Variants in CACNA2D3 observed in about 807,000 individuals in gnomAD.
The protein encoded by CACNA2D3 is calcium voltage-gated channel auxiliary subunit alpha2delta 3, also known as voltage-dependent calcium channel subunit alpha-2/delta-3.
CACNA2D3 carries 60 observed loss-of-function variants against 160.6 expected under a neutral mutation model. The ratio of observed to expected loss-of-function variants is 0.37; its 90% CI spans 0.30 to 0.46. The LOEUF (loss-of-function observed/expected upper bound fraction) is 0.46, where lower values mean the gene tolerates loss of function less well. Ranked by LOEUF, CACNA2D3 falls within the 20% of genes least tolerant of loss-of-function variation. The pLI is 1.00. For missense variants in CACNA2D3, 1,205 were observed against 1,365.0 expected, an observed-to-expected ratio of 0.88 and a Z score of 1.85; for synonymous variants, 558 against 492.9, an observed-to-expected ratio of 1.13 and a Z score of -1.75.
intron 27 of CACNA2D3, among the ~76,000 whole-genome samples, chr3:54,964,818 A>G (rs1247159915): frequency 6.9e-6 from 1 of 144,334 alleles, no homozygotes; most frequent in South Asian, 2.2e-4. Context: ...GGTTATTCTT[A>G]TTTTTTTTTT....
At chr3:54,613,344 C>A (rs532888881) in intron 9 of CACNA2D3, among the ~76,000 whole-genome samples, 1 of 152,286 alleles carries the variant, frequency 6.6e-6, no homozygotes, top group African/African-American at 2.4e-5. Flanking sequence ...TGTTTTGTTT[C>A]CCTTGGTAGT....
chr3:55,021,427 C>G (rs1376300314), intron 35 of CACNA2D3, among the ~76,000 whole-genome samples: 1 of 151,546 alleles, frequency 6.6e-6, no homozygotes, highest in Admixed American at 6.6e-5. Flanking sequence ...TTCCATACTG[C>G]CAGAGATGTG....
In CACNA2D3 at chr3:54,809,568, T is replaced by G. The variant is rs1197716598; in HGVS notation, c.1381-7285T>G. Among the ~76,000 whole-genome samples the G allele has an allele frequency of 2.7e-5, 4 of 146,956 alleles. 1 individual carries two copies. The highest frequency in any genetic ancestry group is 2.0e-4 in the Admixed American group (3 of 14,938). On this transcript the variant is annotated intron_variant, in intron 13 of 37. Transcript: ENST00000474759. Reference sequence around the variant, plus strand: ...CTCCTGACCTCATGATCCACCCGCCTCGGCCTCCCAAAGTGCTGGGATTAC... The same window carrying G: ...CTCCTGACCTCATGATCCACCCGCCGCGGCCTCCCAAAGTGCTGGGATTAC...
chr3:54,988,933 T>G (rs1404524843), intron 31 of CACNA2D3, among the ~76,000 whole-genome samples: 1 of 152,146 alleles, frequency 6.6e-6, no homozygotes, highest in Non-Finnish European at 1.5e-5. Context: ...CCTTCCCTTC[T>G]AAAAAAAATT....
At chr3:54,202,765 G>C (rs1042971396) in intron 2 of CACNA2D3, among the ~76,000 whole-genome samples, 5 of 152,194 alleles carry the variant, frequency 3.3e-5, no homozygotes, top group Admixed American at 1.3e-4. Flanking sequence ...TATGTCCCAG[G>C]AGAGTCCTGG....
At chr3:54,143,750 C>T (rs901510968) in intron 2 of CACNA2D3, among the ~76,000 whole-genome samples, 3 of 152,154 alleles carry the variant, frequency 2.0e-5, no homozygotes, top group Non-Finnish European at 2.9e-5. Context: ...CCACCTGCCT[C>T]GGCCTCCCAA....
chr3:54,435,550 C>G (rs1311521813), intron 4 of CACNA2D3, among the ~76,000 whole-genome samples: 1 of 152,082 alleles, frequency 6.6e-6, no homozygotes, highest in African/African-American at 2.4e-5. Context: ...TTGACAGGGC[C>G]CAGTGGGAAG....
At chr3:54,445,970 G>A (rs889149703) in intron 4 of CACNA2D3, among the ~76,000 whole-genome samples, 1 of 152,202 alleles carries the variant, frequency 6.6e-6, no homozygotes, top group African/African-American at 2.4e-5. Context: ...ATAGGTGACT[G>A]TTGGAGTGTG....
chr3:54,809,888 C>T (rs571776386), intron 13 of CACNA2D3, among the ~76,000 whole-genome samples: 1 of 152,226 alleles, frequency 6.6e-6, no homozygotes, highest in South Asian at 2.1e-4. Flanking sequence ...AAGATAGATA[C>T]AGTCCCTCGG....
intron 4 of CACNA2D3, among the ~76,000 whole-genome samples, chr3:54,423,602 C>G (rs1699869714): frequency 6.6e-6 from 1 of 152,210 alleles, no homozygotes; most frequent in South Asian, 2.1e-4. Context: ...TTATCATCAT[C>G]TGCCTTGTAG....
rs530399430 is a variant in CACNA2D3 at position 54,276,261 on chromosome 3, G to A, written c.205-44181G>A. On this transcript the variant is annotated intron_variant, in intron 2 of 37. Transcript: ENST00000474759. Reference sequence around the variant, plus strand: ...AAGATGGGATGAGAGAGAAGGAAGAGCAGTTTGATAAGAAAACGAAGAAAG... The same window carrying A: ...AAGATGGGATGAGAGAGAAGGAAGAACAGTTTGATAAGAAAACGAAGAAAG... Among the ~76,000 whole-genome samples the A allele has an allele frequency of 9.6e-4, 146 of 152,244 alleles. No individual in the cohort carries two copies. In the Middle Eastern group the frequency reaches 0.017, roughly 18 times the overall value.
intron 3 of CACNA2D3, among the ~76,000 whole-genome samples, chr3:54,326,892 A>G (rs751874700): frequency 7.9e-5 from 12 of 152,284 alleles, no homozygotes; most frequent in Non-Finnish European, 1.3e-4. Context: ...AGTCACAGAT[A>G]GAGGGAGGAG....
intron 4 of CACNA2D3, among the ~76,000 whole-genome samples, chr3:54,501,169 C>T (rs1323210639): frequency 2.0e-5 from 3 of 152,160 alleles, no homozygotes; most frequent in Non-Finnish European, 4.4e-5. Flanking sequence ...TTAATGACCA[C>T]ACCACTTATT....
At chr3:54,805,805 C>G (rs931731293) in intron 13 of CACNA2D3, among the ~76,000 whole-genome samples, 3 of 152,106 alleles carry the variant, frequency 2.0e-5, no homozygotes, top group African/African-American at 7.2e-5. Flanking sequence ...TATCCTCAAT[C>G]AAATACTGGC....
intron 28 of CACNA2D3, 74 bp downstream of exon 28, chr3:54,968,585 G>T: frequency 9.8e-7 from 1 of 1,020,410 alleles, no homozygotes; most frequent in East Asian, 2.6e-5. Flanking sequence ...GGTACCTGGA[G>T]CCTGAAAGTG....
chr3:54,367,133 A>G (rs565156252), intron 3 of CACNA2D3, among the ~76,000 whole-genome samples: 1 of 152,322 alleles, frequency 6.6e-6, no homozygotes, highest in African/African-American at 2.4e-5. Flanking sequence ...TCTTAGTACC[A>G]GCTTACCTTT....
At chr3:54,629,041 C>T (rs905849104) in intron 10 of CACNA2D3, among the ~76,000 whole-genome samples, 16 of 152,050 alleles carry the variant, frequency 1.1e-4, no homozygotes, top group African/African-American at 3.9e-4. Context: ...TTCCTTTCCC[C>T]TTTGTATGAT....
intron 13 of CACNA2D3, among the ~76,000 whole-genome samples, chr3:54,807,160 T>C (rs1302297896): frequency 6.6e-6 from 1 of 152,194 alleles, no homozygotes; most frequent in Non-Finnish European, 1.5e-5. Flanking sequence ...ACTTCATGTC[T>C]AAGACACCAA....
At chr3:54,431,274 T>C (rs117614359) in intron 4 of CACNA2D3, among the ~76,000 whole-genome samples, 3,338 of 151,432 alleles carry the variant, frequency 0.022, 58 homozygotes, top group South Asian at 0.055. Flanking sequence ...GTGGCCGAGG[T>C]TGCAGTGAGC....
Sources: gnomAD v4.1 joint callset for allele counts (sites outside exome capture counted in the v4.1 genomes callset) on GRCh38, gnomAD v4.1.1 for gene constraint, MANE v1.5 for transcripts, NCBI Gene and HGNC (gene_info 2026-07-23, HGNC 2026-07-21) for gene names.